PDE1C: variants seen among roughly 807,000 people sequenced by gnomAD.
PDE1C encodes the protein dual specificity calcium/calmodulin-dependent 3',5'-cyclic nucleotide phosphodiesterase 1C.
A neutral mutation model predicts 93.1 loss-of-function variants in PDE1C; 62 were observed. The observed-to-expected ratio is 0.67, with a 90% CI of 0.54 to 0.82. The LOEUF (loss-of-function observed/expected upper bound fraction) is 0.82. PDE1C is among the 40% of genes least tolerant of loss of function. PDE1C has a pLI of 0.00. For synonymous variants in PDE1C, 325 were observed against 310.1 expected, an observed-to-expected ratio of 1.05 and a Z score of -0.50; for missense variants, 742 against 884.6, an observed-to-expected ratio of 0.84 and a Z score of 2.04.
intron 1 of PDE1C, among the ~76,000 whole-genome samples, chr7:32,320,407 T>C (rs1226156849): frequency 6.6e-6 from 1 of 152,156 alleles, no homozygotes; most frequent in East Asian, 1.9e-4. Context: ...TAATAGATGC[T>C]GGGCTTCATA....
At chr7:31,936,848 C>G (rs978912253) in intron 2 of PDE1C, among the ~76,000 whole-genome samples, 2 of 152,170 alleles carry the variant, frequency 1.3e-5, no homozygotes, top group Non-Finnish European at 1.5e-5. Flanking sequence ...CAGCCCACGA[C>G]AGAGCCTCAG....
chr7:32,056,570 G>A, intron 1 of PDE1C, among the ~76,000 whole-genome samples: 1 of 152,124 alleles, frequency 6.6e-6, no homozygotes, highest in Non-Finnish European at 1.5e-5. Flanking sequence ...TTCCTCATCT[G>A]TAAAATTTGG....
At chr7:32,138,857 T>C (rs1800353840) in intron 3 of PDE1C, among the ~76,000 whole-genome samples, 1 of 152,156 alleles carries the variant, frequency 6.6e-6, no homozygotes, top group Admixed American at 6.5e-5. Context: ...AAATAGACAT[T>C]AGTAATCCTG....
intron 16 of PDE1C, chr7:31,808,224 T>C (rs1485960188): frequency 2.1e-6 from 1 of 484,730 alleles, no homozygotes; most frequent in Admixed American, 2.2e-5. Context: ...GCATCAAATA[T>C]GATGTCTCCA....
chr7:32,133,326 G>T (rs1272209975), intron 3 of PDE1C, among the ~76,000 whole-genome samples: 1 of 152,170 alleles, frequency 6.6e-6, no homozygotes, highest in Non-Finnish European at 1.5e-5. Flanking sequence ...GATAAAGGCA[G>T]GAAGGTTTTG....
chr7:31,678,215 C>T, the PDE1C span, among the ~76,000 whole-genome samples: 1 of 152,204 alleles, frequency 6.6e-6, no homozygotes, highest in African/African-American at 2.4e-5. Flanking sequence ...AATAAAAACA[C>T]CATTTTTCTG....
intron 2 of PDE1C, among the ~76,000 whole-genome samples, chr7:32,012,945 T>A (rs1563193032): frequency 6.6e-6 from 1 of 152,208 alleles, no homozygotes; most frequent in Non-Finnish European, 1.5e-5. Flanking sequence ...AACTGATAAC[T>A]AATTCAATCC....
chr7:32,219,382 G>A (rs907182926), intron 1 of PDE1C, among the ~76,000 whole-genome samples: 3 of 152,168 alleles, frequency 2.0e-5, no homozygotes, highest in Non-Finnish European at 2.9e-5. Flanking sequence ...TTTTTTATTG[G>A]AGGAGGGGAG....
chr7:31,619,937 G>A, the PDE1C span, among the ~76,000 whole-genome samples: 68 of 152,286 alleles, frequency 4.5e-4, no homozygotes, highest in Admixed American at 3.4e-3. Context: ...CTTAAAAAAC[G>A]GCGCACCAGG....
chr7:31,953,971 C>T (rs2129017980), intron 2 of PDE1C, among the ~76,000 whole-genome samples: 2 of 152,244 alleles, frequency 1.3e-5, no homozygotes, highest in Middle Eastern at 3.4e-3. Context: ...AATTAAGCAC[C>T]ACTCTGCTCC....
At chr7:31,962,552 T>C (rs553601722) in intron 2 of PDE1C, among the ~76,000 whole-genome samples, 24 of 152,082 alleles carry the variant, frequency 1.6e-4, no homozygotes, top group Non-Finnish European at 3.1e-4. Context: ...AGAAGAAGCA[T>C]AGAATTGGAA....
chr7:31,644,211 T>C, the PDE1C span, among the ~76,000 whole-genome samples: 39 of 152,308 alleles, frequency 2.6e-4, no homozygotes, highest in African/African-American at 9.4e-4. Flanking sequence ...AAAGGAAAAC[T>C]AAGGGGTAGA....
chr7:31,959,094 T>A (rs981029874), intron 2 of PDE1C, among the ~76,000 whole-genome samples: 26 of 152,242 alleles, frequency 1.7e-4, no homozygotes, highest in African/African-American at 6.3e-4. Context: ...TCCATTTTAT[T>A]ATGAGATGTA....
intron 2 of PDE1C, among the ~76,000 whole-genome samples, chr7:31,929,316 T>C (rs1044771791): frequency 6.6e-6 from 1 of 152,158 alleles, no homozygotes; most frequent in African/African-American, 2.4e-5. Flanking sequence ...CAAAGAGACT[T>C]AGACTCCCAC....
At chr7:31,828,411 T>C in intron 11 of PDE1C, 38 bp from the exon 12 acceptor site, 2 of 1,543,040 alleles carry the variant, frequency 1.3e-6, no homozygotes, top group East Asian at 2.3e-5. Flanking sequence ...TAAGGAACAG[T>C]AGGCTGGGTC....
At position 32,078,037 on chromosome 7, in the gene PDE1C, T is replaced by TA. The variant is rs1301992371; in HGVS notation, c.308+91747dup. 14 of 985,206 alleles carry TA rather than the reference T, an allele frequency of 1.4e-5. No individual in the cohort carries two copies. The African/African-American group carries it at 2.3e-4, about 16-fold the overall frequency. 61.0% of individuals were successfully genotyped at this position (985,206 alleles called of 1,614,324 possible). A position where few individuals can be genotyped will look rare whatever the true frequency, so the allele number is the denominator to read the frequency against. ...GAATACACTGCCAACCCAGTATAAT[T>TA]AACTTGGCTGTACTAATGAAATTGA... On this transcript the variant is annotated intron_variant, in intron 3 of 18. Coordinates refer to the PDE1C transcript ENST00000396193.
the PDE1C span, among the ~76,000 whole-genome samples, chr7:31,645,697 C>G: frequency 1.3e-5 from 2 of 152,134 alleles, no homozygotes; most frequent in Non-Finnish European, 2.9e-5. Context: ...TAATTTCCCA[C>G]CCCTGAACTC....
In PDE1C at chr7:31,753,274, C is replaced by A. The variant is rs905071082; in HGVS notation, c.*110G>T. 1 of 1,359,370 alleles carries A rather than the reference C, an allele frequency of 7.4e-7. No homozygotes were observed. The highest frequency in any genetic ancestry group is 1.5e-5 in the South Asian group (1 of 67,044). The allele number at this position is 1,359,370 out of a possible 1,614,324, so 84.2% of individuals were successfully genotyped here. On this transcript the variant is annotated 3_prime_UTR_variant, in exon 18 of 18. Transcript: ENST00000396191. Reference sequence around the variant, plus strand: ...CTTGGTGGAGTCAACCAGGATAGTACCTGCTCCAACAGCCTCCAAGGGTCT... The same window carrying A: ...CTTGGTGGAGTCAACCAGGATAGTAACTGCTCCAACAGCCTCCAAGGGTCT...
At chr7:31,736,182 G>C in the PDE1C span, among the ~76,000 whole-genome samples, 151,175 of 152,318 alleles carry the variant, frequency 0.99, 75,026 homozygotes, top group East Asian at 1. Flanking sequence ...CACATGCAAA[G>C]ACGCACTCTC....
Sources: allele counts gnomAD v4.1 joint callset (sites outside exome capture counted in the v4.1 genomes callset), GRCh38; gene constraint gnomAD v4.1.1; transcripts MANE v1.5; gene names NCBI Gene and HGNC (gene_info 2026-07-23, HGNC 2026-07-21).